FGB: variants seen among roughly 807,000 people sequenced by gnomAD.
The protein encoded by FGB is fibrinogen beta chain.
A neutral mutation model predicts 57.9 loss-of-function variants in FGB; 25 were observed. That is an observed-to-expected ratio of 0.43 (90% CI 0.31 to 0.60). FGB has a LOEUF of 0.60. Ranked by LOEUF, FGB falls within the 20% of genes least tolerant of loss-of-function variation. The pLI, the probability that FGB is intolerant of heterozygous loss-of-function variation, is 0.08. For synonymous variants in FGB, 203 were observed against 199.2 expected (o/e 1.02, Z -0.16); for missense variants, 536 against 598.4 (o/e 0.90, Z 1.09).
At chr4:154,569,074 C>G (rs930486290) in intron 5 of FGB, 108 bp from the exon 6 acceptor site, 1 of 1,233,092 alleles carries the variant, frequency 8.1e-7, no homozygotes, top group African/African-American at 1.5e-5. Context: ...TATTTTAGAG[C>G]ACCAAATATA....
chr4:154,568,315 T>C, intron 4 of FGB, 66 bp from the exon 5 acceptor site: 1 of 845,112 alleles, frequency 1.2e-6, no homozygotes, highest in Non-Finnish European at 2.1e-6. Flanking sequence ...TTTTAAAGAA[T>C]TGGTGACTAA....
Position 154,570,690 on chromosome 4 carries a change from C to G in FGB, c.*40C>G, listed in dbSNP as rs1479133040. 2 of 1,419,484 alleles carry G rather than the reference C, an allele frequency of 1.4e-6. No homozygotes were observed. Among genetic ancestry groups the G allele is most frequent in the Non-Finnish European group, 2.0e-6 (2 of 1,004,834 alleles). The allele number at this position is 1,419,484 out of a possible 1,614,324, so 87.9% of individuals were successfully genotyped here. A position where few individuals can be genotyped will look rare whatever the true frequency, so the allele number is the denominator to read the frequency against. On this transcript the variant is annotated 3_prime_UTR_variant, in exon 8 of 8. Transcript: ENST00000302068. ...ATTTTTGCTCTTCTGTATGTGACAA[C>G]ATTTTTGTACATTATGTTATTGGAA...
At chr4:154,568,958 A>T (rs2227414) in intron 5 of FGB, among the ~76,000 whole-genome samples, 2,072 of 152,308 alleles carry the variant, frequency 0.014, 45 homozygotes, top group African/African-American at 0.047. Context: ...CTGATATTTA[A>T]AAAGTTATAA....
chr4:154,567,967 C>A, intron 4 of FGB, 147 bp downstream of exon 4: 1 of 741,490 alleles, frequency 1.3e-6, no homozygotes, highest in South Asian at 1.5e-5. Flanking sequence ...ATATCCTTAG[C>A]CAGTTGTGTT....
chr4:154,572,322 G>T lies in FGB; in HGVS notation c.*1672G>T, dbSNP rs956243830. Reference sequence around the variant, plus strand: ...CCCTATTGATTCCAACAGGGATGGCGCCTTGTCCAAGAAGAGACCCAGAGC... The same window carrying T: ...CCCTATTGATTCCAACAGGGATGGCTCCTTGTCCAAGAAGAGACCCAGAGC... On this transcript the variant is annotated 3_prime_UTR_variant, in exon 8 of 8. Transcript: ENST00000302068. 6.6e-6 allele frequency among the ~76,000 whole-genome samples: 1 copy of T among 152,128 alleles called. No homozygotes were observed. The highest frequency in any genetic ancestry group is 1.5e-5 in the Non-Finnish European group (1 of 68,024).
intron 7 of FGB, 24 bp from the exon 8 acceptor site, chr4:154,570,395 A>AATT: frequency 6.3e-7 from 1 of 1,584,250 alleles, no homozygotes; most frequent in Non-Finnish European, 8.7e-7. Flanking sequence ...TGTTTCTAAT[A>AATT]ACGCCAAACA....
At position 154,570,697 on chromosome 4, in the gene FGB, G is replaced by A. The variant is rs1037968749; in HGVS notation, c.*47G>A. 4 of 1,401,272 alleles carry A rather than the reference G, an allele frequency of 2.9e-6. No homozygotes were observed. The highest frequency in any genetic ancestry group is 4.0e-6 in the Non-Finnish European group (4 of 989,346). The allele number at this position is 1,401,272 out of a possible 1,614,324, so 86.8% of individuals were successfully genotyped here. A position where few individuals can be genotyped will look rare whatever the true frequency, so the allele number is the denominator to read the frequency against. Reference sequence around the variant, plus strand: ...CTCTTCTGTATGTGACAACATTTTTGTACATTATGTTATTGGAATTTTCTT... The same window carrying A: ...CTCTTCTGTATGTGACAACATTTTTATACATTATGTTATTGGAATTTTCTT... On this transcript the variant is annotated 3_prime_UTR_variant, in exon 8 of 8. Coordinates refer to ENST00000302068, the MANE Select transcript of FGB (RefSeq NM_005141.5).
intron 3 of FGB, 149 bp from the exon 4 acceptor site, chr4:154,567,444 T>C (rs1397135233): frequency 1.6e-6 from 1 of 638,250 alleles, no homozygotes; most frequent in Non-Finnish European, 2.8e-6. Context: ...GCCAAATCAT[T>C]TCCACTAAAT....
chr4:154,565,663 C>T lies in FGB; in HGVS notation c.115-145C>T, dbSNP rs550662368. The T allele has an allele frequency of 5.0e-5, 39 of 778,378 alleles. No individual in the cohort carries two copies. The African/African-American group carries it at 6.6e-4, about 13-fold the overall frequency. The allele number at this position is 778,378 out of a possible 1,614,324, so 48.2% of individuals were successfully genotyped here. Reference sequence around the variant, plus strand: ...CTGAACAGTAAGCAACCTACAGATTCACTATCACCAACCAGCCAGTTGATG... The same window carrying T: ...CTGAACAGTAAGCAACCTACAGATTTACTATCACCAACCAGCCAGTTGATG... On this transcript the variant is annotated intron_variant, in intron 1 of 7. Coordinates refer to ENST00000302068, the MANE Select transcript of FGB (RefSeq NM_005141.5).
At chr4:154,569,157 C>T (rs1170804454) in intron 5 of FGB, 25 bp from the exon 6 acceptor site, 1 of 1,613,326 alleles carries the variant, frequency 6.2e-7, no homozygotes, top group African/African-American at 1.3e-5. Flanking sequence ...TTAATATATG[C>T]TCTTTTTGTT....
Position 154,569,540 on chromosome 4 carries a change from A to G in FGB, c.985A>G (p.Ile329Val), listed in dbSNP as rs1730322519. Residue 329 changes from isoleucine (I) to valine (V), a missense_variant, in exon 7 of 8, where the codon ATT becomes GTT. Transcript: ENST00000302068. The stretch of plus-strand genomic sequence containing the variant: ...TGAATATTGGCTTGGAAATGATAAA[A>G]TTAGCCAGCTTACCAGGATGGGACC... ...PGEYWLGNDK[I>V]SQLTRMGPTE... The G allele has an allele frequency of 1.2e-6, 2 of 1,613,200 alleles. No individual in the cohort carries two copies. The highest frequency in any genetic ancestry group is 2.7e-5 in the African/African-American group (2 of 74,874).
chr4:154,569,989 G>A (rs1352516031), intron 7 of FGB, among the ~76,000 whole-genome samples, 190 bp downstream of exon 7: 3 of 152,200 alleles, frequency 2.0e-5, no homozygotes, highest in African/African-American at 7.2e-5. Flanking sequence ...TTACAGATGA[G>A]ATTTAGAGAG....
intron 1 of FGB, chr4:154,565,527 G>A (rs1730119316): frequency 2.4e-6 from 1 of 411,498 alleles, no homozygotes; most frequent in Non-Finnish European, 4.4e-6. Flanking sequence ...GTATGTTTTA[G>A]GAATATGAGG....
intron 1 of FGB, 32 bp from the exon 2 acceptor site, chr4:154,565,776 T>A (rs754975426): frequency 6.3e-7 from 1 of 1,581,082 alleles, no homozygotes; most frequent in Admixed American, 1.7e-5. Context: ...TCTATAACAC[T>A]CTGTATTATA....
Position 154,572,512 on chromosome 4 carries a change from C to T in FGB, c.*1862C>T, listed in dbSNP as rs1364642828. 6.6e-6 allele frequency among the ~76,000 whole-genome samples: 1 copy of T among 152,170 alleles called. No homozygotes were observed. Among genetic ancestry groups the T allele is most frequent in the Non-Finnish European group, 1.5e-5 (1 of 68,034 alleles). ...CTCCATTTAACCCAAAATAAAAGGC[C>T]TTGGTTCCTTGCACATCCTGAGTTC... On this transcript the variant is annotated 3_prime_UTR_variant, in exon 8 of 8. Coordinates refer to ENST00000302068, the MANE Select transcript of FGB (RefSeq NM_005141.5).
Position 154,568,508 on chromosome 4 carries a change from A to G in FGB, c.832+14A>G, listed in dbSNP as rs1730269868. 1.5e-6 allele frequency: 2 copies of G among 1,306,674 alleles called. No homozygotes were observed. Among genetic ancestry groups the G allele is most frequent in the Admixed American group, 1.7e-5 (1 of 59,622 alleles). 80.9% of individuals were successfully genotyped at this position (1,306,674 alleles called of 1,614,324 possible). On this transcript the variant is annotated intron_variant, in intron 5 of 7. Coordinates refer to ENST00000302068, the MANE Select transcript of FGB (RefSeq NM_005141.5). ...CAGAAAATGGAGGTAAGCTTTCGAC[A>G]GTTGTTGACCTGTTGATCTGTAATT...
rs779328318 is a variant in FGB, at chr4:154,570,466, G to T, written c.1292G>T (p.Gly431Val). ...RKQCSKEDGG[G>V]WWYNRCHAAN... The stretch of plus-strand genomic sequence containing the variant: ...CAGTGTTCTAAAGAAGACGGTGGTG[G>T]ATGGTGGTATAATAGATGTCATGCA... Residue 431 changes from glycine (G) to valine (V), a missense_variant, in exon 8 of 8, where the codon GGA becomes GTA. Transcript: ENST00000302068. The T allele has an allele frequency of 5.6e-6, 9 of 1,614,142 alleles. No individual in the cohort carries two copies. The highest frequency in any genetic ancestry group is 7.6e-6 in the Non-Finnish European group (9 of 1,180,000).
intron 1 of FGB, among the ~76,000 whole-genome samples, chr4:154,563,698 T>C (rs763371450): frequency 2.0e-5 from 3 of 151,958 alleles, no homozygotes; most frequent in Non-Finnish European, 2.9e-5. Flanking sequence ...TGTATTGTTA[T>C]TATTAATAGT....
chr4:154,565,643 C>T, intron 1 of FGB, 165 bp from the exon 2 acceptor site: 1 of 679,920 alleles, frequency 1.5e-6, no homozygotes, highest in Non-Finnish European at 2.5e-6. Flanking sequence ...TGTTACTGAA[C>T]AGTAAGCAAC....
Sources: gnomAD v4.1 joint callset for allele counts (sites outside exome capture counted in the v4.1 genomes callset) on GRCh38, gnomAD v4.1.1 for gene constraint, MANE v1.5 for transcripts, NCBI Gene and HGNC (gene_info 2026-07-23, HGNC 2026-07-21) for gene names.